The following ST8SIA2 variants were observed in gnomAD, a reference collection of about 807,000 sequenced individuals.
ST8SIA2 encodes ST8 alpha-N-acetyl-neuraminide alpha-2,8-sialyltransferase 2.
Under a neutral mutation model 37.6 loss-of-function variants are expected in ST8SIA2, and 22 were observed. That is an observed-to-expected ratio of 0.58 (90% confidence interval 0.42 to 0.83). The LOEUF is 0.83. Among genes scored for constraint, ST8SIA2 ranks in the 40% least tolerant of loss-of-function variants. The probability of loss-of-function intolerance (pLI) is 0.00; values close to 1 mark genes in which losing one functional copy is unlikely to be tolerated. For synonymous variants in ST8SIA2, 205 were observed against 201.2 expected, an observed-to-expected ratio of 1.02 and a Z score of -0.16; for missense variants, 382 against 484.7, an observed-to-expected ratio of 0.79 and a Z score of 1.99.
Position 92,416,639 on chromosome 15 carries a change from C to T in ST8SIA2, c.99-13410C>T, listed in dbSNP as rs565958341. ...CACTGACAGAGCAGAGAGAACGTGC[C>T]GTTGGACCCGCTCCAGGAGACATGG... On this transcript the variant is annotated intron_variant, in intron 1 of 5. Transcript: ENST00000268164. Among the ~76,000 whole-genome samples the T allele has an allele frequency of 6.6e-5, 10 of 152,234 alleles. No individual in the cohort carries two copies. The East Asian group carries it at 1.5e-3, about 24-fold the overall frequency.
rs1253344639 is a variant in ST8SIA2 at position 92,464,518 on chromosome 15, CA to C, written c.*134del. ...CTTTGTTAAAGTGTAAAACAGTGAC[CA>C]GAATATATATATCTATACCTGCATA... is the stretch of plus-strand genomic sequence containing the variant. On this transcript the variant is annotated 3_prime_UTR_variant, in exon 6 of 6. Transcript: ENST00000268164. 25 of 926,566 alleles carry C rather than the reference CA, an allele frequency of 2.7e-5. No homozygotes were observed. The highest frequency in any genetic ancestry group is 1.6e-5 in the African/African-American group (1 of 61,256). The allele number at this position is 926,566 out of a possible 1,614,324, so 57.4% of individuals were successfully genotyped here.
chr15:92,444,498 T>TG lies in ST8SIA2; in HGVS notation c.549-137dup, dbSNP rs749335312. On this transcript the variant is annotated intron_variant, in intron 4 of 5. Coordinates refer to ENST00000268164, the MANE Select transcript of ST8SIA2 (RefSeq NM_006011.4). ...AGGAGAAAGGATGATGGGAGGGGCC[T>TG]GTGAGTGTGGAGAGATGCCCTGGGT... 487 of 989,948 alleles carry TG rather than the reference T, an allele frequency of 4.9e-4. 1 individual carries two copies. The highest frequency in any genetic ancestry group is 7.2e-4 in the Non-Finnish European group (461 of 644,134). 61.3% of individuals were successfully genotyped at this position (989,948 alleles called of 1,614,324 possible).
Position 92,444,994 on chromosome 15 carries a change from A to G in ST8SIA2, c.842+65A>G, listed in dbSNP as rs2049831660. ...GTGTGGGAGATTCTTGGTAGGCAGT[A>G]TCCCTTTCCCAGGTGCATTTCCATC... On this transcript the variant is annotated intron_variant, in intron 5 of 5. Transcript: ENST00000268164. 1.9e-6 allele frequency: 3 copies of G among 1,594,170 alleles called. No individual in the cohort carries two copies. In the South Asian group the frequency reaches 3.3e-5, roughly 18 times the overall value.
At chr15:92,422,434 A>C (rs1286744957) in intron 1 of ST8SIA2, 1 of 152,264 alleles carries the variant, frequency 6.6e-6, no homozygotes, top group East Asian at 1.9e-4. Flanking sequence ...TCCATGTGAC[A>C]GGGAATCATC....
Position 92,464,392 on chromosome 15 carries a change from C to T in ST8SIA2, c.*7C>T, listed in dbSNP as rs767818040. On this transcript the variant is annotated 3_prime_UTR_variant, in exon 6 of 6. Transcript: ENST00000268164. ...GTGCGATGGGGCCACGTAGGGTGGG[C>T]ACCCCATGGGACTCAGTGGCTCACA... The T allele has an allele frequency of 3.8e-5, 61 of 1,613,012 alleles. No homozygotes were observed. Among genetic ancestry groups the T allele is most frequent in the Non-Finnish European group, 5.2e-5 (61 of 1,180,038 alleles).
intron 1 of ST8SIA2, among the ~76,000 whole-genome samples, chr15:92,409,289 A>G (rs529395249): frequency 1.3e-5 from 2 of 152,294 alleles, no homozygotes; most frequent in African/African-American, 2.4e-5. Flanking sequence ...TTTCAAATCA[A>G]TGCTGGTCTG....
intron 3 of ST8SIA2, among the ~76,000 whole-genome samples, chr15:92,436,737 G>A (rs1289867764): frequency 1.3e-5 from 2 of 152,142 alleles, no homozygotes; most frequent in Admixed American, 6.5e-5. Flanking sequence ...CAACAGATAC[G>A]AATTATTCTA....
chr15:92,429,533 A>G (rs892248107), intron 1 of ST8SIA2, among the ~76,000 whole-genome samples: 1 of 152,236 alleles, frequency 6.6e-6, no homozygotes, highest in African/African-American at 2.4e-5. Flanking sequence ...ACCAAAGAGC[A>G]AATTATGATC....
chr15:92,434,504 C>T (rs2049741012), intron 3 of ST8SIA2, 129 bp downstream of exon 3: 1 of 1,368,530 alleles, frequency 7.3e-7, no homozygotes, highest in Non-Finnish European at 1.0e-6. Flanking sequence ...AGGCAGGTTT[C>T]ATCTGTAAGT....
At chr15:92,449,468 CA>C (rs2049866759) in intron 5 of ST8SIA2, among the ~76,000 whole-genome samples, 1 of 152,226 alleles carries the variant, frequency 6.6e-6, no homozygotes, top group South Asian at 2.1e-4. Context: ...CTGCTATGAA[CA>C]TGCCAGTGCA....
At chr15:92,434,427 C>A (rs754812592) in intron 3 of ST8SIA2, 52 bp downstream of exon 3, 78 of 1,612,726 alleles carry the variant, frequency 4.8e-5, no homozygotes, top group Non-Finnish European at 5.8e-5. Flanking sequence ...TGAGCATACA[C>A]GGGCAAATTG....
chr15:92,410,613 TGTG>T (rs1334186325), intron 1 of ST8SIA2, among the ~76,000 whole-genome samples: 3 of 152,240 alleles, frequency 2.0e-5, no homozygotes, highest in Admixed American at 6.5e-5. Context: ...CATAGTTAAA[TGTG>T]GTGATTTTGG....
At chr15:92,426,458 T>G (rs1268422577) in intron 1 of ST8SIA2, among the ~76,000 whole-genome samples, 1 of 152,156 alleles carries the variant, frequency 6.6e-6, no homozygotes, top group Non-Finnish European at 1.5e-5. Flanking sequence ...GTGCCGAGGT[T>G]GAGAACCCCT....
At chr15:92,456,473 T>G (rs761438261) in intron 5 of ST8SIA2, among the ~76,000 whole-genome samples, 2 of 152,224 alleles carry the variant, frequency 1.3e-5, no homozygotes, top group African/African-American at 2.4e-5. Flanking sequence ...CATTTGCTTA[T>G]AGAATTTAAA....
intron 2 of ST8SIA2, 23 bp from the exon 3 acceptor site, chr15:92,434,224 C>G: frequency 6.2e-7 from 1 of 1,613,734 alleles, no homozygotes; most frequent in East Asian, 2.2e-5. Flanking sequence ...TGTCTACCCT[C>G]TTTCTTTTTT....
intron 5 of ST8SIA2, among the ~76,000 whole-genome samples, chr15:92,453,125 G>A (rs1021909705): frequency 1.3e-5 from 2 of 152,058 alleles, no homozygotes; most frequent in African/African-American, 4.8e-5. Flanking sequence ...GAAGGAAGCT[G>A]GGATTCAAAT....
intron 1 of ST8SIA2, among the ~76,000 whole-genome samples, chr15:92,409,820 T>C (rs959294448): frequency 1.3e-5 from 2 of 152,250 alleles, no homozygotes; most frequent in East Asian, 3.8e-4. Context: ...CCATGAGCTT[T>C]GTGCAGTCAT....
At chr15:92,420,397 C>T (rs554104764) in intron 1 of ST8SIA2, among the ~76,000 whole-genome samples, 1 of 152,258 alleles carries the variant, frequency 6.6e-6, no homozygotes, top group South Asian at 2.1e-4. Context: ...ATCCAGGTGA[C>T]TTGTTTACTT....
chr15:92,394,165 A>G lies in ST8SIA2; in HGVS notation c.98+3A>G. 6.4e-7 allele frequency: 1 copy of G among 1,552,652 alleles called. No homozygotes were observed. ...TCAGAGATCGAAGAAGAAATCGGGT[A>G]AATAGCTGCTCCCAGGCCCGTGCCA... is the stretch of plus-strand genomic sequence containing the variant. On this transcript the variant is annotated splice_donor_region_variant and intron_variant, in intron 1 of 5. Transcript: ENST00000268164.
Sources: gnomAD v4.1 joint callset for allele counts (sites outside exome capture counted in the v4.1 genomes callset) on GRCh38, gnomAD v4.1.1 for gene constraint, MANE v1.5 for transcripts, NCBI Gene and HGNC (gene_info 2026-07-23, HGNC 2026-07-21) for gene names.